NPAS3: variants seen among roughly 807,000 people sequenced by gnomAD.
NPAS3 encodes the protein neuronal PAS domain protein 3.
A neutral mutation model predicts 73.1 loss-of-function variants in NPAS3; 14 were observed. The observed-to-expected ratio is 0.19, with a 90% CI of 0.13 to 0.30. The LOEUF (loss-of-function observed/expected upper bound fraction) is 0.30, where lower values mean the gene tolerates loss of function less well. NPAS3 is among the 10% of genes least tolerant of loss of function. NPAS3 has a pLI of 1.00. For synonymous variants in NPAS3, 620 were observed against 541.5 expected (o/e 1.14, Z -2.01); for missense variants, 1,096 against 1,250.0 (o/e 0.88, Z 1.86).
At chr14:33,120,771 T>A (rs1319220118) in intron 2 of NPAS3, among the ~76,000 whole-genome samples, 1 of 152,064 alleles carries the variant, frequency 6.6e-6, no homozygotes, top group African/African-American at 2.4e-5. Context: ...GAAGCATTGG[T>A]TTTTTTAAGG....
intron 10 of NPAS3, among the ~76,000 whole-genome samples, chr14:33,794,351 T>G (rs1267825883): frequency 3.3e-5 from 5 of 152,180 alleles, no homozygotes; most frequent in Non-Finnish European, 5.9e-5. Context: ...TAATACAGAC[T>G]TCAGCCTACA....
intron 4 of NPAS3, among the ~76,000 whole-genome samples, chr14:33,545,953 C>G (rs985139298): frequency 5.3e-5 from 8 of 152,164 alleles, no homozygotes; most frequent in African/African-American, 1.9e-4. Context: ...TAGCAATGAT[C>G]GCAGTCAAGG....
intron 3 of NPAS3, among the ~76,000 whole-genome samples, chr14:33,363,368 T>C (rs1002292405): frequency 1.3e-5 from 2 of 152,194 alleles, no homozygotes; most frequent in African/African-American, 4.8e-5. Flanking sequence ...AAACTAATTC[T>C]TCAGATACAT....
intron 4 of NPAS3, among the ~76,000 whole-genome samples, chr14:33,412,325 G>T (rs1021502180): frequency 6.6e-6 from 1 of 151,982 alleles, no homozygotes; most frequent in African/African-American, 2.4e-5. Context: ...TCACCATGTT[G>T]CCCAGGCTGG....
At chr14:33,665,421 G>A (rs2059424662) in intron 5 of NPAS3, among the ~76,000 whole-genome samples, 1 of 152,104 alleles carries the variant, frequency 6.6e-6, no homozygotes, top group Admixed American at 6.5e-5. Context: ...TTCTGCACAT[G>A]TATCCCAGAA....
At chr14:33,786,001 C>T (rs2063160775) in intron 9 of NPAS3, among the ~76,000 whole-genome samples, 1 of 152,168 alleles carries the variant, frequency 6.6e-6, no homozygotes, top group Admixed American at 6.5e-5. Flanking sequence ...CCCCACCACC[C>T]CACAGCAGGG....
At chr14:33,652,612 C>T (rs1198015340) in intron 5 of NPAS3, among the ~76,000 whole-genome samples, 2 of 152,182 alleles carry the variant, frequency 1.3e-5, no homozygotes, top group Non-Finnish European at 2.9e-5. Context: ...GTAGGTTGCC[C>T]TCACGAAGCA....
intron 3 of NPAS3, among the ~76,000 whole-genome samples, chr14:33,266,769 A>G (rs1422635819): frequency 6.6e-6 from 1 of 152,168 alleles, no homozygotes; most frequent in African/African-American, 2.4e-5. Flanking sequence ...AAATATTTTT[A>G]TAGAGCACTG....
intron 1 of NPAS3, among the ~76,000 whole-genome samples, chr14:32,967,908 TGA>T (rs1158202518): frequency 0.027 from 174 of 6,512 alleles, no homozygotes; most frequent in African/African-American, 0.034. Context: ...TATTACATTG[TGA>T]GAGTGTGTGT....
chr14:33,801,032 C>T, exon 12 of NPAS3: 3 of 1,591,754 alleles, frequency 1.9e-6, no homozygotes, highest in Non-Finnish European at 2.6e-6. Flanking sequence ...GGCCGAGGGA[C>T]TCTTCTCCAC....
At chr14:33,360,096 C>T (rs953935918) in intron 3 of NPAS3, among the ~76,000 whole-genome samples, 12 of 152,232 alleles carry the variant, frequency 7.9e-5, no homozygotes, top group African/African-American at 2.9e-4. Flanking sequence ...GCCTGCCTCG[C>T]CCAGTGGACT....
chr14:33,136,306 A>G lies in NPAS3; in HGVS notation c.141-78876A>G, dbSNP rs370133545. ...AATCTCCTGACCTCGTGATCCGCCC[A>G]CCTTAGCCTCCCAAAGTGCTGCGAT... On this transcript the variant is annotated intron_variant, in intron 2 of 11. Coordinates refer to ENST00000356141, the Ensembl canonical transcript of NPAS3. 1.5e-3 allele frequency among the ~76,000 whole-genome samples: 226 copies of G among 151,976 alleles called. 1 individual carries two copies. Among genetic ancestry groups the G allele is most frequent in the East Asian group, 4.5e-3 (23 of 5,138 alleles).
intron 1 of NPAS3, among the ~76,000 whole-genome samples, chr14:33,010,870 G>C (rs1394398544): frequency 4.0e-5 from 6 of 151,314 alleles, no homozygotes; most frequent in Admixed American, 4.0e-4. Flanking sequence ...AGGAGTTTGA[G>C]GCTGCAGTGA....
intron 2 of NPAS3, among the ~76,000 whole-genome samples, chr14:33,106,021 A>G (rs1356833499): frequency 6.6e-6 from 1 of 152,180 alleles, no homozygotes; most frequent in Non-Finnish European, 1.5e-5. Context: ...TCAACCAAAC[A>G]TGAATACCAG....
In NPAS3 at chr14:33,800,508, C is replaced by G; in HGVS notation, c.2201C>G (p.Ser734Trp). The change falls in exon 12 of 12, where the codon TCG (serine) becomes TGG (tryptophan). Residue 734 changes from serine to tryptophan, a missense_variant. Ser to Trp is a radical substitution (Grantham distance 177, BLOSUM62 -3). This residue lies in a region of NPAS3 where 698 missense variants were observed against 676.7 expected (regional missense o/e 1.03). Coordinates refer to ENST00000356141, the Ensembl canonical transcript of NPAS3. This position sits in a 1 kb window ranked among gnomAD's most constrained non-coding sequence, Gnocchi z 6.5. Reference sequence around the variant, plus strand: ...GCCCGCAAGACTCAGTTCGGCGCCTCGGCCACCGCGGCCCTGGCCCCCGTC... The same window carrying G: ...GCCCGCAAGACTCAGTTCGGCGCCTGGGCCACCGCGGCCCTGGCCCCCGTC... 1 of 1,425,622 alleles carries G rather than the reference C, an allele frequency of 7.0e-7. No individual in the cohort carries two copies. The highest frequency in any genetic ancestry group is 9.1e-7 in the Non-Finnish European group (1 of 1,097,280). 88.3% of individuals were successfully genotyped at this position (1,425,622 alleles called of 1,614,324 possible).
chr14:33,742,834 G>T (rs2061689174), intron 7 of NPAS3, among the ~76,000 whole-genome samples: 1 of 152,084 alleles, frequency 6.6e-6, no homozygotes, highest in Non-Finnish European at 1.5e-5. Flanking sequence ...TGTTATTTCA[G>T]CAATGGCCAT....
intron 6 of NPAS3, among the ~76,000 whole-genome samples, chr14:33,711,737 A>G (rs569073783): frequency 6.6e-6 from 1 of 152,250 alleles, no homozygotes; most frequent in African/African-American, 2.4e-5. Flanking sequence ...AAAGGGAAAG[A>G]TGGTCAGAAC....
chr14:32,964,822 A>AG (rs986932091), intron 1 of NPAS3, among the ~76,000 whole-genome samples: 2 of 151,662 alleles, frequency 1.3e-5, no homozygotes, highest in African/African-American at 4.8e-5. Flanking sequence ...CAAAAAAAAA[A>AG]AAGAAGAAGA....
intron 5 of NPAS3, among the ~76,000 whole-genome samples, chr14:33,569,923 T>C (rs537579393): frequency 1.3e-5 from 2 of 152,328 alleles, no homozygotes; most frequent in South Asian, 4.1e-4. Flanking sequence ...GATCTGGCTC[T>C]TTACCATAAA....
Sources: allele counts gnomAD v4.1 joint callset (sites outside exome capture counted in the v4.1 genomes callset), GRCh38; gene constraint gnomAD v4.1.1; regional missense constraint gnomAD v4.1.1; non-coding constraint Gnocchi (gnomAD v3.1); transcripts MANE v1.5; gene names NCBI Gene and HGNC (gene_info 2026-07-23, HGNC 2026-07-21).